Variants in GUCY1A2 observed in about 807,000 individuals in gnomAD.
GUCY1A2 encodes guanylate cyclase 1 soluble subunit alpha 2.
Under a neutral mutation model 63.5 loss-of-function variants are expected in GUCY1A2, and 27 were observed. That is an observed-to-expected ratio of 0.43 (90% CI 0.31 to 0.59). GUCY1A2 has a LOEUF of 0.59. Among genes scored for constraint, GUCY1A2 ranks in the 20% least tolerant of loss-of-function variants. The pLI is 0.11. For synonymous variants in GUCY1A2, 364 were observed against 343.5 expected, an observed-to-expected ratio of 1.06 and a Z score of -0.66; for missense variants, 768 against 913.3, an observed-to-expected ratio of 0.84 and a Z score of 2.05.
intron 5 of GUCY1A2, among the ~76,000 whole-genome samples, chr11:106,776,898 C>T (rs1320262216): frequency 2.0e-5 from 3 of 152,160 alleles, no homozygotes; most frequent in Non-Finnish European, 2.9e-5. Context: ...TCCAAATAAT[C>T]GCCTTTTCCA....
At position 107,017,862 on chromosome 11, in the gene GUCY1A2, G is replaced by A. The variant is rs1438201473; in HGVS notation, c.194C>T (p.Ala65Val). ...AGTGGCAGCGGCGGCGGCGGCAGAA[G>A]CAGCCGGGGTCGGGGCCGGGGCGGC... The part of the protein sequence containing the change: ...AAAAPAPTPA[A>V]SAAAAAATAG... Residue 65 changes from alanine (A) to valine (V), a missense_variant, in exon 1 of 8, where the codon GCT (alanine) becomes GTT (valine). By Grantham distance (64) the Ala-to-Val change is moderately conservative. Transcript: ENST00000526355. 1.6e-6 allele frequency: 2 copies of A among 1,251,940 alleles called. No individual in the cohort carries two copies. The highest frequency in any genetic ancestry group is 1.0e-6 in the Non-Finnish European group (1 of 997,152). The allele number at this position is 1,251,940 out of a possible 1,614,324, so 77.6% of individuals were successfully genotyped here. A position where few individuals can be genotyped will look rare whatever the true frequency, so the allele number is the denominator to read the frequency against.
rs777713959 is a variant in GUCY1A2, at chr11:106,939,512, G to A, written c.1154C>T (p.Pro385Leu). 28 of 1,611,936 alleles carry A rather than the reference G, an allele frequency of 1.7e-5. No individual in the cohort carries two copies. The highest frequency in any genetic ancestry group is 2.7e-5 in the African/African-American group (2 of 74,840). The change falls in exon 4 of 8, where the codon CCG (proline) becomes CTG (leucine). Residue 385 changes from proline to leucine, a missense_variant. Coordinates refer to ENST00000526355, the MANE Select transcript of GUCY1A2 (RefSeq NM_000855.3). ...CTCAGGCTTGGTTCTAATCACAAAC[G>A]GGGTAGACAGTCGCAGCAGGACCCT... ...FERVLLRLST[P>L]FVIRTKPEAS...
chr11:106,900,186 ATTG>A (rs961139669), intron 4 of GUCY1A2, among the ~76,000 whole-genome samples: 1 of 151,950 alleles, frequency 6.6e-6, no homozygotes, highest in Admixed American at 6.6e-5. Flanking sequence ...TAATTTTATT[ATTG>A]TTATTATTAT....
intron 1 of GUCY1A2, among the ~76,000 whole-genome samples, chr11:106,998,533 C>T (rs913402482): frequency 6.6e-6 from 1 of 152,170 alleles, no homozygotes; most frequent in Non-Finnish European, 1.5e-5. Flanking sequence ...AAAGAAGGTA[C>T]TGATTGGATA....
intron 1 of GUCY1A2, among the ~76,000 whole-genome samples, chr11:107,017,549 T>C (rs1861840418): frequency 6.6e-6 from 1 of 152,192 alleles, no homozygotes; most frequent in African/African-American, 2.4e-5. Context: ...TCTTATTCCT[T>C]CCCAGTGCTG....
intron 4 of GUCY1A2, among the ~76,000 whole-genome samples, chr11:106,871,436 T>C (rs1455957238): frequency 1.3e-5 from 2 of 152,148 alleles, no homozygotes; most frequent in African/African-American, 4.8e-5. Context: ...TTAGGAAGAA[T>C]CTGTTCCATA....
intron 5 of GUCY1A2, among the ~76,000 whole-genome samples, chr11:106,792,431 T>A (rs1194795398): frequency 1.3e-5 from 2 of 150,626 alleles, no homozygotes; most frequent in African/African-American, 4.9e-5. Context: ...CAAGTAGGCA[T>A]TATCCCTGGG....
rs1342442427 is a variant in GUCY1A2 at position 106,679,460 on chromosome 11, T to G, written c.*8089A>C. The stretch of plus-strand genomic sequence containing the variant: ...ATGTGAAGAAGAATATGGCGTAGAG[T>G]ACAGCCGCCAAAAGTTTAAAAATTT... On this transcript the variant is annotated 3_prime_UTR_variant, in exon 8 of 8. Transcript: ENST00000526355. 1.0e-5 allele frequency: 2 copies of G among 196,240 alleles called. No individual in the cohort carries two copies. Among genetic ancestry groups the G allele is most frequent in the African/African-American group, 4.6e-5 (2 of 43,206 alleles). The allele number at this position is 196,240 out of a possible 1,614,324, so 12.2% of individuals were successfully genotyped here. A position where few individuals can be genotyped will look rare whatever the true frequency, so the allele number is the denominator to read the frequency against.
chr11:106,764,725 C>T (rs186187904), intron 6 of GUCY1A2, among the ~76,000 whole-genome samples: 1 of 152,154 alleles, frequency 6.6e-6, no homozygotes, highest in East Asian at 1.9e-4. Flanking sequence ...GTAGTAAGCA[C>T]TAGGTGAGAA....
rs1591224948 is a variant in GUCY1A2, at chr11:106,677,139, T to C, written c.*10410A>G. 1 of 217,620 alleles carries C rather than the reference T, an allele frequency of 4.6e-6. No individual in the cohort carries two copies. The highest frequency in any genetic ancestry group is 6.7e-5 in the East Asian group (1 of 15,024). The allele number at this position is 217,620 out of a possible 1,614,324, so 13.5% of individuals were successfully genotyped here. The stretch of plus-strand genomic sequence containing the variant: ...AATAGTAAAGTACTATTGTCATTTA[T>C]CTTATAAGAGCTAGAAAGAAATAAA... On this transcript the variant is annotated 3_prime_UTR_variant, in exon 8 of 8. Transcript: ENST00000526355.
At chr11:106,888,575 G>T (rs973849979) in intron 4 of GUCY1A2, among the ~76,000 whole-genome samples, 3 of 152,146 alleles carry the variant, frequency 2.0e-5, no homozygotes, top group Non-Finnish European at 4.4e-5. Context: ...GATTGTTTTT[G>T]TTTCCCTTGC....
At chr11:106,849,255 G>T (rs1281205424) in intron 4 of GUCY1A2, among the ~76,000 whole-genome samples, 3 of 151,052 alleles carry the variant, frequency 2.0e-5, no homozygotes, top group Non-Finnish European at 4.4e-5. Flanking sequence ...AACTGTGTTA[G>T]GTCTTTAGGA....
chr11:106,779,328 C>T (rs909549603), intron 5 of GUCY1A2, among the ~76,000 whole-genome samples: 1 of 152,170 alleles, frequency 6.6e-6, no homozygotes, highest in Non-Finnish European at 1.5e-5. Flanking sequence ...ATAATTCTCA[C>T]TGAGGAAGAC....
chr11:106,796,735 A>C (rs1199159857), intron 5 of GUCY1A2, among the ~76,000 whole-genome samples: 1 of 152,112 alleles, frequency 6.6e-6, no homozygotes, highest in Admixed American at 6.5e-5. Context: ...ACTTTGGTGA[A>C]TCTGACAATT....
At chr11:106,899,409 G>A (rs1245189578) in intron 4 of GUCY1A2, among the ~76,000 whole-genome samples, 10 of 152,250 alleles carry the variant, frequency 6.6e-5, no homozygotes, top group Non-Finnish European at 2.9e-5. Flanking sequence ...GAAATATTTA[G>A]TAGCAGCTCA....
intron 4 of GUCY1A2, among the ~76,000 whole-genome samples, chr11:106,928,200 C>G (rs1860554233): frequency 6.6e-6 from 1 of 152,118 alleles, no homozygotes; most frequent in Admixed American, 6.5e-5. Context: ...ACCTCTTCTA[C>G]AGTGGATGGA....
chr11:106,768,654 T>TA (rs1864203786), intron 6 of GUCY1A2, among the ~76,000 whole-genome samples: 2 of 152,130 alleles, frequency 1.3e-5, no homozygotes, highest in South Asian at 4.1e-4. Context: ...AATAGCAGGT[T>TA]ATATCATTTG....
intron 4 of GUCY1A2, among the ~76,000 whole-genome samples, chr11:106,840,888 A>G (rs1462453113): frequency 1.3e-5 from 2 of 152,002 alleles, no homozygotes; most frequent in Non-Finnish European, 2.9e-5. Context: ...TCTTGTGCTT[A>G]TTTCTCAGAA....
At position 106,939,715 on chromosome 11, in the gene GUCY1A2, T is replaced by C; in HGVS notation, c.951A>G (p.Arg317=). Residue 317 remains arginine, a synonymous_variant, in exon 4 of 8, where the codon AGA becomes AGG. Transcript: ENST00000526355. ...CTCTACAGAAGGTGTTGATGCTAAT[T>C]CTGAGGTCCGCAGGAACTTGGGAGG... ...QGTSQVPADL[R]ISINTFCRAF... 6.2e-7 allele frequency: 1 copy of C among 1,613,834 alleles called. No homozygotes were observed. The highest frequency in any genetic ancestry group is 8.5e-7 in the Non-Finnish European group (1 of 1,179,730).
Sources: gnomAD v4.1 joint callset for allele counts (sites outside exome capture counted in the v4.1 genomes callset) on GRCh38, gnomAD v4.1.1 for gene constraint, MANE v1.5 for transcripts, NCBI Gene and HGNC (gene_info 2026-07-23, HGNC 2026-07-21) for gene names.